UNC5C: variants seen among roughly 807,000 people sequenced by gnomAD.
UNC5C encodes netrin receptor UNC5C.
UNC5C carries 47 observed loss-of-function variants against 99.8 expected under a neutral mutation model. That is an observed-to-expected ratio of 0.47 (90% CI 0.37 to 0.60). The LOEUF is 0.60. UNC5C is among the 20% of genes least tolerant of loss of function. UNC5C has a pLI of 0.00. For missense variants in UNC5C, 1,062 were observed against 1,165.9 expected (o/e 0.91, Z 1.30); for synonymous variants, 487 against 452.2 (o/e 1.08, Z -0.98).
rs533669102 is a variant in UNC5C at position 95,293,463 on chromosome 4, G to GCACACCACCA, written c.490+8133_490+8142dup. On this transcript the variant is annotated intron_variant, in intron 3 of 15. Transcript: ENST00000453304. ...TAGTATCCCAGCTGGGATCACAGGT[G>GCACACCACCA]CACACCACCACACTTGGTTAATTTT... Among the ~76,000 whole-genome samples the GCACACCACCA allele has an allele frequency of 3.0e-3, 448 of 151,842 alleles. 1 individual carries two copies. Among genetic ancestry groups the GCACACCACCA allele is most frequent in the African/African-American group, 9.7e-3 (400 of 41,392 alleles).
chr4:95,468,359 C>T (rs1014432612), intron 1 of UNC5C, among the ~76,000 whole-genome samples: 6 of 152,060 alleles, frequency 3.9e-5, no homozygotes, highest in African/African-American at 1.4e-4. Context: ...TGGAAGTGCT[C>T]ATCTCCATCA....
chr4:95,397,602 A>G (rs1176395141), intron 1 of UNC5C, among the ~76,000 whole-genome samples: 1 of 152,220 alleles, frequency 6.6e-6, no homozygotes, highest in African/African-American at 2.4e-5. Context: ...AACAGGATAA[A>G]TTGCAAATAG....
intron 5 of UNC5C, among the ~76,000 whole-genome samples, chr4:95,250,156 C>T (rs181557744): frequency 6.6e-6 from 1 of 151,996 alleles, no homozygotes; most frequent in African/African-American, 2.4e-5. Flanking sequence ...CATATCAGTA[C>T]GAGGAAAGCA....
chr4:95,518,152 A>C (rs1459142385), intron 1 of UNC5C, among the ~76,000 whole-genome samples: 1 of 152,312 alleles, frequency 6.6e-6, no homozygotes, highest in South Asian at 2.1e-4. Flanking sequence ...TTGCTCCATC[A>C]GAATTCCAGA....
At position 95,484,134 on chromosome 4, in the gene UNC5C, G is replaced by A. The variant is rs530462828; in HGVS notation, c.124+64600C>T. 1.3e-3 allele frequency among the ~76,000 whole-genome samples: 197 copies of A among 151,932 alleles called. 1 individual carries two copies. The highest frequency in any genetic ancestry group is 2.4e-3 in the Non-Finnish European group (165 of 67,872). ...GAAATAAAATGGGTAATGAGGAAGG[G>A]CTTCTCTATTAAGCAGACCTACAGG... On this transcript the variant is annotated intron_variant, in intron 1 of 15. Transcript: ENST00000453304.
At chr4:95,302,514 A>G (rs933903754) in intron 2 of UNC5C, among the ~76,000 whole-genome samples, 1 of 152,182 alleles carries the variant, frequency 6.6e-6, no homozygotes, top group Non-Finnish European at 1.5e-5. Context: ...GCTGTTTCAG[A>G]CATTCATTCT....
chr4:95,431,724 C>A (rs1578159916), intron 1 of UNC5C, among the ~76,000 whole-genome samples: 1 of 151,990 alleles, frequency 6.6e-6, no homozygotes, highest in South Asian at 2.1e-4. Flanking sequence ...CTAAAAAAGA[C>A]CAGAGTTAAA....
At chr4:95,455,672 C>A (rs983352981) in intron 1 of UNC5C, among the ~76,000 whole-genome samples, 1 of 151,878 alleles carries the variant, frequency 6.6e-6, no homozygotes, top group Admixed American at 6.6e-5. Flanking sequence ...ATCTAATTAT[C>A]CTTATTCTGA....
intron 1 of UNC5C, among the ~76,000 whole-genome samples, chr4:95,496,902 T>A (rs1054233724): frequency 4.6e-5 from 7 of 151,838 alleles, no homozygotes; most frequent in Non-Finnish European, 1.0e-4. Flanking sequence ...ATAGCTTAGC[T>A]CCCACTTAGA....
intron 5 of UNC5C, chr4:95,248,304 G>A (rs1245704869): frequency 1.2e-5 from 3 of 253,008 alleles, no homozygotes; most frequent in African/African-American, 4.7e-5. Flanking sequence ...ACTTTTACAT[G>A]GCCTAAGAAA....
intron 7 of UNC5C, among the ~76,000 whole-genome samples, chr4:95,242,000 C>T (rs531802447): frequency 2.6e-5 from 4 of 152,268 alleles, no homozygotes; most frequent in Admixed American, 1.3e-4. Context: ...AATCTACCTA[C>T]AGAAATGTTT....
chr4:95,335,998 G>A (rs1458309019), intron 1 of UNC5C, among the ~76,000 whole-genome samples: 1 of 151,848 alleles, frequency 6.6e-6, no homozygotes, highest in Non-Finnish European at 1.5e-5. Context: ...AAAAGCAAGA[G>A]CAACTTCATT....
chr4:95,382,620 A>C (rs2149442435), intron 1 of UNC5C, among the ~76,000 whole-genome samples: 1 of 152,296 alleles, frequency 6.6e-6, no homozygotes, highest in South Asian at 2.1e-4. Flanking sequence ...AAAGGAATTG[A>C]GAAGGCATAA....
chr4:95,227,350 G>T (rs147241746), intron 7 of UNC5C, among the ~76,000 whole-genome samples: 4,795 of 151,912 alleles, frequency 0.032, 102 homozygotes, highest in South Asian at 0.072. Context: ...ATGGGGTCTC[G>T]CTATGTTGCC....
At chr4:95,542,708 T>C (rs1053523465) in intron 1 of UNC5C, among the ~76,000 whole-genome samples, 2 of 152,140 alleles carry the variant, frequency 1.3e-5, no homozygotes, top group African/African-American at 4.8e-5. Context: ...TTTTCAAACA[T>C]ATTGTTCATA....
chr4:95,325,094 C>T (rs536410234), intron 2 of UNC5C, among the ~76,000 whole-genome samples: 18 of 152,230 alleles, frequency 1.2e-4, no homozygotes, highest in African/African-American at 3.6e-4. Context: ...AAAACCATAT[C>T]GGCTTACTAT....
intron 2 of UNC5C, among the ~76,000 whole-genome samples, chr4:95,329,505 C>A (rs1158927526): frequency 2.0e-5 from 3 of 152,068 alleles, no homozygotes; most frequent in African/African-American, 7.2e-5. Context: ...TCAATTTAAA[C>A]ACCCATCAAG....
chr4:95,238,344 A>G (rs1357191773), intron 7 of UNC5C, among the ~76,000 whole-genome samples: 2 of 152,082 alleles, frequency 1.3e-5, no homozygotes, highest in Admixed American at 1.3e-4. Context: ...TTCAATTTTT[A>G]TGTGTGTACT....
At chr4:95,531,144 A>C (rs2149492935) in intron 1 of UNC5C, among the ~76,000 whole-genome samples, 1 of 152,282 alleles carries the variant, frequency 6.6e-6, no homozygotes, top group South Asian at 2.1e-4. Flanking sequence ...GGGATTCTTA[A>C]ATTTTTCTTT....
Sources: allele counts gnomAD v4.1 joint callset (sites outside exome capture counted in the v4.1 genomes callset), GRCh38; gene constraint gnomAD v4.1.1; transcripts MANE v1.5; gene names NCBI Gene and HGNC (gene_info 2026-07-23, HGNC 2026-07-21).